SPTBN4: variants seen among roughly 807,000 people sequenced by gnomAD.
SPTBN4 encodes spectrin beta, non-erythrocytic 4.
SPTBN4 carries 96 observed loss-of-function variants against 277.8 expected under a neutral mutation model. The ratio of observed to expected loss-of-function variants is 0.35; its 90% CI spans 0.29 to 0.41. The LOEUF (loss-of-function observed/expected upper bound fraction) is 0.41, where lower values mean the gene tolerates loss of function less well. SPTBN4 is among the 10% of genes least tolerant of loss of function. The pLI is 1.00. For synonymous variants in SPTBN4, 1,481 were observed against 1,580.3 expected (o/e 0.94, Z 1.49); for missense variants, 3,006 against 3,595.7 (o/e 0.84, Z 4.19).
intron 13 of SPTBN4, among the ~76,000 whole-genome samples, chr19:40,506,889 C>T (rs1162776434): frequency 2.0e-5 from 3 of 152,070 alleles, no homozygotes; most frequent in Non-Finnish European, 4.4e-5. Flanking sequence ...GAGGCTGAGG[C>T]AGGAGGCTCA....
rs1300653695 is a variant in SPTBN4, at chr19:40,549,317, C to T, written c.4488C>T (p.Arg1496=). The T allele has an allele frequency of 6.5e-7, 1 of 1,539,130 alleles. No individual in the cohort carries two copies. ...VGERQNAVGE[R]LVRLLEPLQE... ...AGCGGCAGAACGCGGTGGGCGAGCG[C>T]CTGGTGCGCCTGCTCGAGCCGTTGC... The change falls in exon 21 of 36, where the codon CGC becomes CGT. Residue 1496 remains arginine (R), a synonymous_variant. Coordinates refer to ENST00000598249, the MANE Select transcript of SPTBN4 (RefSeq NM_020971.3).
chr19:40,561,472 GCC>G (rs958197791), intron 27 of SPTBN4, among the ~76,000 whole-genome samples: 2 of 152,172 alleles, frequency 1.3e-5, no homozygotes, highest in Admixed American at 6.5e-5. Context: ...GGTGAGCAAG[GCC>G]AAGCACTTGC....
At position 40,572,248 on chromosome 19, in the gene SPTBN4, TG is replaced by T. The variant is rs1347564738; in HGVS notation, c.7493+59del. 1.9e-6 allele frequency: 3 copies of T among 1,601,402 alleles called. No homozygotes were observed. In the African/African-American group the frequency reaches 4.0e-5, roughly 21 times the overall value. On this transcript the variant is annotated intron_variant, in intron 34 of 35. Coordinates refer to ENST00000598249, the MANE Select transcript of SPTBN4 (RefSeq NM_020971.3). ...TCCAAGGCTCAGCTTCAACTCCCAG[TG>T]GGACCCTGGCTTCCCTGGGGGACAC...
chr19:40,549,523 C>A, intron 21 of SPTBN4, 110 bp downstream of exon 21: 1 of 797,044 alleles, frequency 1.3e-6, no homozygotes, highest in Non-Finnish European at 1.9e-6. Flanking sequence ...CCCACTCATA[C>A]GCTGAAAGAC....
At chr19:40,492,167 G>A (rs748685321) in intron 4 of SPTBN4, among the ~76,000 whole-genome samples, 1 of 152,156 alleles carries the variant, frequency 6.6e-6, no homozygotes, top group African/African-American at 2.4e-5. Context: ...AGGGGCAGGT[G>A]GGGAAGACAC....
Position 40,513,518 on chromosome 19 carries a change from C to T in SPTBN4, c.2729C>T (p.Pro910Leu), listed in dbSNP as rs1483353008. ...CAATGGCTGCTCTCCATGCGTGTGC[C>T]GGATTCACTCGACGACGTCGAGGTG... ...KEQWLLSMRV[P>L]DSLDDVEVVQ... Residue 910 changes from proline (P) to leucine (L), a missense_variant, in exon 14 of 36, where the codon CCG becomes CTG. Pro to Leu is a moderately conservative substitution (Grantham distance 98). Transcript: ENST00000598249. 1 of 1,592,902 alleles carries T rather than the reference C, an allele frequency of 6.3e-7. No individual in the cohort carries two copies. Among genetic ancestry groups the T allele is most frequent in the Non-Finnish European group, 8.5e-7 (1 of 1,174,870 alleles).
chr19:40,569,608 G>A (rs763799332), intron 31 of SPTBN4, 49 bp from the exon 32 acceptor site: 2 of 1,598,460 alleles, frequency 1.3e-6, no homozygotes, highest in South Asian at 1.1e-5. Context: ...CAGGTCCATG[G>A]GAGAAGGAAC....
intron 30 of SPTBN4, chr19:40,566,961 C>T: frequency 3.5e-6 from 1 of 286,110 alleles, no homozygotes; most frequent in African/African-American, 2.3e-5. Flanking sequence ...CATCTCAAAA[C>T]AACAACAACA....
At position 40,570,757 on chromosome 19, in the gene SPTBN4, C is replaced by T. The variant is rs768620762; in HGVS notation, c.7319+29C>T. The T allele has an allele frequency of 5.5e-5, 88 of 1,594,466 alleles. 3 individuals carry two copies. In the South Asian group the frequency reaches 9.5e-4, roughly 17 times the overall value. The stretch of plus-strand genomic sequence containing the variant: ...AGCGTGTGGGCGGGGCTTTGGAAGG[C>T]GGGTCTCAGGCTCAGGGTGACCATT... On this transcript the variant is annotated intron_variant, in intron 33 of 35. Transcript: ENST00000598249.
chr19:40,537,145 G>A (rs1310946698), intron 20 of SPTBN4, among the ~76,000 whole-genome samples: 1 of 152,160 alleles, frequency 6.6e-6, no homozygotes, highest in East Asian at 1.9e-4. Context: ...GAGTAGCTGG[G>A]ATTACAGGCC....
In SPTBN4 at chr19:40,487,747, C is replaced by T; in HGVS notation, c.220C>T (p.His74Tyr). ...KKTFTKWVNS[H>Y]LARVGCHIGD... ...AACCTTCACCAAGTGGGTGAACTCG[C>T]ACCTCGCCCGCGTGGGCTGCCACAT... The change falls in exon 3 of 36, where the codon CAC becomes TAC. Residue 74 changes from histidine to tyrosine, a missense_variant. Transcript: ENST00000598249. The T allele has an allele frequency of 6.2e-7, 1 of 1,613,690 alleles. No individual in the cohort carries two copies. Among genetic ancestry groups the T allele is most frequent in the Non-Finnish European group, 8.5e-7 (1 of 1,179,872 alleles).
intron 35 of SPTBN4, among the ~76,000 whole-genome samples, chr19:40,573,447 G>A (rs1246974369): frequency 6.6e-6 from 1 of 152,236 alleles, no homozygotes; most frequent in African/African-American, 2.4e-5. Flanking sequence ...CCAGGAGATA[G>A]GTGTCTCAGG....
chr19:40,545,903 CGTG>C (rs1244003611), intron 20 of SPTBN4, among the ~76,000 whole-genome samples: 1 of 151,958 alleles, frequency 6.6e-6, no homozygotes, highest in Non-Finnish European at 1.5e-5. Context: ...ATTAGTCAGG[CGTG>C]GTGGTGGGCA....
intron 6 of SPTBN4, 94 bp downstream of exon 6, chr19:40,495,071 C>G (rs1273959144): frequency 8.3e-7 from 1 of 1,206,846 alleles, no homozygotes; most frequent in East Asian, 2.4e-5. Context: ...AGATGGCACA[C>G]ACAGACATAA....
At position 40,479,702 on chromosome 19, in the gene SPTBN4, A is replaced by ATATATATATATATT. The variant is rs1303572950; in HGVS notation, c.169+6913_169+6914insATATATATATATTT. 1.0e-3 allele frequency among the ~76,000 whole-genome samples: 148 copies of ATATATATATATATT among 144,400 alleles called. 1 individual carries two copies. Among genetic ancestry groups the ATATATATATATATT allele is most frequent in the African/African-American group, 3.7e-3 (145 of 39,140 alleles). 94.7% of individuals were successfully genotyped at this position (144,400 alleles called of 152,430 possible). A position where few individuals can be genotyped will look rare whatever the true frequency, so the allele number is the denominator to read the frequency against. ...TATATATATATATATATATATATAT[A>ATATATATATATATT]TTTAACTTTTTATTATTAAAGTAGT... On this transcript the variant is annotated intron_variant, in intron 2 of 35. Transcript: ENST00000598249.
At chr19:40,471,788 G>T (rs2079886489) in intron 1 of SPTBN4, among the ~76,000 whole-genome samples, 1 of 152,090 alleles carries the variant, frequency 6.6e-6, no homozygotes, top group Admixed American at 6.6e-5. Flanking sequence ...GCCCAGGCTG[G>T]AGTGCAGTGG....
chr19:40,552,609 T>C (rs2080931598), intron 22 of SPTBN4, among the ~76,000 whole-genome samples: 1 of 152,202 alleles, frequency 6.6e-6, no homozygotes, highest in Admixed American at 6.5e-5. Context: ...CAATGTATGT[T>C]GGAAGAATAG....
chr19:40,560,775 G>A lies in SPTBN4; in HGVS notation c.5915+372G>A. On this transcript the variant is annotated intron_variant, in intron 27 of 35. Coordinates refer to ENST00000598249, the MANE Select transcript of SPTBN4 (RefSeq NM_020971.3). This position sits in a 1 kb window ranked among gnomAD's most constrained non-coding sequence, Gnocchi z 5.2. ...CCAGCATCTCAGTGGCTTCATTAGT[G>A]GGCATGGGCTTATTGCTCACATAGT... The A allele has an allele frequency of 8.0e-7, 1 of 1,254,482 alleles. No homozygotes were observed. Among genetic ancestry groups the A allele is most frequent in the Non-Finnish European group, 1.0e-6 (1 of 989,628 alleles). The allele number at this position is 1,254,482 out of a possible 1,614,324, so 77.7% of individuals were successfully genotyped here. A position where few individuals can be genotyped will look rare whatever the true frequency, so the allele number is the denominator to read the frequency against.
intron 16 of SPTBN4, among the ~76,000 whole-genome samples, chr19:40,522,619 T>C (rs1193067413): frequency 6.6e-6 from 1 of 151,800 alleles, no homozygotes; most frequent in Non-Finnish European, 1.5e-5. Flanking sequence ...CCCAAAGTGC[T>C]GGGATTACAG....
Sources: allele counts gnomAD v4.1 joint callset (sites outside exome capture counted in the v4.1 genomes callset), GRCh38; gene constraint gnomAD v4.1.1; non-coding constraint Gnocchi (gnomAD v3.1); transcripts MANE v1.5; gene names NCBI Gene and HGNC (gene_info 2026-07-23, HGNC 2026-07-21).